Variants in FANCC observed in about 807,000 individuals in gnomAD.
FANCC encodes FA complementation group C, also known as Fanconi anemia group C protein.
In FANCC, 55 loss-of-function variants were observed where a neutral mutation model predicts 71.3. That is an observed-to-expected ratio of 0.77 (90% CI 0.62 to 0.97). The LOEUF is 0.97. FANCC is among the 50% of genes least tolerant of loss of function. The probability of loss-of-function intolerance (pLI) is 0.00; values close to 1 mark genes in which losing one functional copy is unlikely to be tolerated. For missense variants in FANCC, 678 were observed against 670.9 expected (o/e 1.01, Z -0.12); for synonymous variants, 275 against 244.9 (o/e 1.12, Z -1.15).
intron 1 of FANCC, among the ~76,000 whole-genome samples, chr9:95,250,705 A>G (rs1831275861): frequency 6.6e-6 from 1 of 152,198 alleles, no homozygotes; most frequent in South Asian, 2.1e-4. Context: ...TCTACCACCA[A>G]AATAAATGTG....
At chr9:95,285,449 A>C (rs1235665267) in intron 1 of FANCC, among the ~76,000 whole-genome samples, 1 of 152,234 alleles carries the variant, frequency 6.6e-6, no homozygotes, top group Non-Finnish European at 1.5e-5. Context: ...AACAATATAC[A>C]TATCAAGAAA....
intron 4 of FANCC, among the ~76,000 whole-genome samples, chr9:95,176,920 C>T (rs963570208): frequency 3.3e-5 from 5 of 152,248 alleles, no homozygotes; most frequent in African/African-American, 1.2e-4. Flanking sequence ...GGGACCAGCT[C>T]ACGGAGGGTG....
intron 1 of FANCC, chr9:95,294,051 G>A (rs1834227100): frequency 6.2e-6 from 10 of 1,607,214 alleles, no homozygotes; most frequent in Non-Finnish European, 8.5e-6. Context: ...TCAGTGCACA[G>A]AACAGTATGC....
At chr9:95,111,957 G>A (rs2071975806) in intron 12 of FANCC, among the ~76,000 whole-genome samples, 1 of 152,228 alleles carries the variant, frequency 6.6e-6, no homozygotes, top group South Asian at 2.1e-4. Flanking sequence ...GAATGTGGCA[G>A]GATGTGGCGG....
At chr9:95,305,460 C>A (rs1564844067) in intron 1 of FANCC, among the ~76,000 whole-genome samples, 1 of 152,130 alleles carries the variant, frequency 6.6e-6, no homozygotes, top group Non-Finnish European at 1.5e-5. Flanking sequence ...AAAGACAGGA[C>A]CACAAAAAAA....
intron 1 of FANCC, among the ~76,000 whole-genome samples, chr9:95,289,766 T>A (rs915663476): frequency 6.6e-6 from 1 of 152,138 alleles, no homozygotes; most frequent in African/African-American, 2.4e-5. Context: ...TCCTCCTACC[T>A]CAGCCTCCCA....
intron 4 of FANCC, among the ~76,000 whole-genome samples, chr9:95,175,514 T>C (rs1825958874): frequency 6.6e-6 from 1 of 152,314 alleles, no homozygotes; most frequent in East Asian, 1.9e-4. Context: ...AAATAGGAGC[T>C]GACCATAGCC....
rs1414558793 is a variant in FANCC, at chr9:95,135,451, G to A, written c.738C>T (p.His246=). Residue 246 remains histidine, a synonymous_variant, in exon 8 of 15, where the codon CAC becomes CAT. Transcript: ENST00000289081. ...GCATTGCTTTTTCAAGGCTGGGAAG[G>A]TGCCGAAGCCAGAGGCAGACTACAG... ...MSAVVCLWLR[H]LPSLEKAMLH... 1 of 1,614,040 alleles carries A rather than the reference G, an allele frequency of 6.2e-7. No homozygotes were observed. The highest frequency in any genetic ancestry group is 1.3e-5 in the African/African-American group (1 of 75,024).
At chr9:95,296,620 G>A (rs544055920) in intron 1 of FANCC, among the ~76,000 whole-genome samples, 6 of 152,138 alleles carry the variant, frequency 3.9e-5, no homozygotes, top group East Asian at 3.9e-4. Flanking sequence ...TATGGATTTC[G>A]ATATGAAGAC....
At chr9:95,265,363 G>A (rs1025820044) in intron 1 of FANCC, among the ~76,000 whole-genome samples, 2 of 152,126 alleles carry the variant, frequency 1.3e-5, no homozygotes, top group Non-Finnish European at 2.9e-5. Context: ...TCCCACCCAA[G>A]ACCTCAGCAA....
intron 1 of FANCC, among the ~76,000 whole-genome samples, chr9:95,306,007 G>C (rs1461887349): frequency 1.3e-5 from 2 of 152,132 alleles, no homozygotes; most frequent in African/African-American, 2.4e-5. Flanking sequence ...ACTGTAATAA[G>C]GTCTTTACAG....
chr9:95,178,577 C>T (rs1826154634), intron 4 of FANCC, among the ~76,000 whole-genome samples: 1 of 152,212 alleles, frequency 6.6e-6, no homozygotes, highest in African/African-American at 2.4e-5. Flanking sequence ...ATTCGCACAA[C>T]CAGGCTGACT....
chr9:95,114,450 T>A (rs1370842460), intron 12 of FANCC, 179 bp downstream of exon 12: 1 of 705,604 alleles, frequency 1.4e-6, no homozygotes. Context: ...CCTGACCTGC[T>A]CCAAGCCATC....
chr9:95,135,262 C>T, intron 8 of FANCC, 84 bp downstream of exon 8: 1 of 1,325,244 alleles, frequency 7.5e-7, no homozygotes, highest in South Asian at 1.2e-5. Context: ...TGTTTACATC[C>T]CCCCCTTTCA....
In FANCC at chr9:95,215,785, C is replaced by T. The variant is rs994673160; in HGVS notation, c.345+24864G>A. ...CCAGCTGACAGTCGGTATCAACTAA[C>T]GTCAGGAAAACTAGGGAGTAAGCAC... On this transcript the variant is annotated intron_variant, in intron 4 of 14. Transcript: ENST00000289081. 3.3e-5 allele frequency among the ~76,000 whole-genome samples: 5 copies of T among 152,326 alleles called. No homozygotes were observed. In the South Asian group the frequency reaches 6.2e-4, roughly 19 times the overall value.
At chr9:95,216,691 C>A (rs919135398) in intron 4 of FANCC, among the ~76,000 whole-genome samples, 1 of 152,204 alleles carries the variant, frequency 6.6e-6, no homozygotes, top group African/African-American at 2.4e-5. Context: ...GCAATACAAG[C>A]TGTAGGTTCC....
rs2134455090 is a variant in FANCC, at chr9:95,107,133, T to A, written c.1466A>T (p.His489Leu). 1.2e-6 allele frequency: 2 copies of A among 1,614,118 alleles called. No homozygotes were observed. Among genetic ancestry groups the A allele is most frequent in the African/African-American group, 2.7e-5 (2 of 75,022 alleles). Residue 489 changes from histidine to leucine, a missense_variant, in exon 14 of 15, where the codon CAC (histidine) becomes CTC (leucine). Coordinates refer to ENST00000289081, the MANE Select transcript of FANCC (RefSeq NM_000136.3). ...CCAGAGCAGGAAGTTGAGGAGAAGG[T>A]GCCTGATCAGCTGTTGTGCAGGAGC... ...LRAPAQQLIR[H>L]LLLNFLLWAP...
At chr9:95,243,743 G>A (rs1588343036) in intron 3 of FANCC, among the ~76,000 whole-genome samples, 3 of 152,146 alleles carry the variant, frequency 2.0e-5, no homozygotes, top group South Asian at 2.1e-4. Context: ...GCAGTGAGCC[G>A]AGATCGCACC....
chr9:95,231,447 CT>C (rs4647451), intron 4 of FANCC, among the ~76,000 whole-genome samples: 14,444 of 152,202 alleles, frequency 0.095, 932 homozygotes, highest in East Asian at 0.19. Flanking sequence ...CGCCTGGCCC[CT>C]CCTCTTCCTG....
Sources: gnomAD v4.1 joint callset for allele counts (sites outside exome capture counted in the v4.1 genomes callset) on GRCh38, gnomAD v4.1.1 for gene constraint, MANE v1.5 for transcripts, NCBI Gene and HGNC (gene_info 2026-07-23, HGNC 2026-07-21) for gene names.